GRIA4: variants seen among roughly 807,000 people sequenced by gnomAD.
GRIA4 encodes glutamate ionotropic receptor AMPA type subunit 4.
In GRIA4, 34 loss-of-function variants were observed where a neutral mutation model predicts 104.0. That is an observed-to-expected ratio of 0.33 (90% CI 0.25 to 0.44). The LOEUF is 0.44. Among genes scored for constraint, GRIA4 ranks in the 20% least tolerant of loss-of-function variants. The pLI is 1.00. For synonymous variants in GRIA4, 386 were observed against 381.9 expected (o/e 1.01, Z -0.13); for missense variants, 750 against 1,096.5 (o/e 0.68, Z 4.46).
At chr11:105,763,838 C>T (rs777821968) in intron 4 of GRIA4, among the ~76,000 whole-genome samples, 1 of 152,164 alleles carries the variant, frequency 6.6e-6, no homozygotes, top group Non-Finnish European at 1.5e-5. Flanking sequence ...GGATTCCATG[C>T]CATGGGTATT....
chr11:105,825,092 G>A (rs1490793722), intron 4 of GRIA4, among the ~76,000 whole-genome samples: 2 of 152,178 alleles, frequency 1.3e-5, no homozygotes, highest in South Asian at 2.1e-4. Flanking sequence ...CTTCCAGTCT[G>A]TAGTTTTCCA....
intron 4 of GRIA4, among the ~76,000 whole-genome samples, chr11:105,831,664 C>T (rs1335525893): frequency 6.6e-6 from 1 of 151,968 alleles, no homozygotes; most frequent in Non-Finnish European, 1.5e-5. Context: ...GGTATTAAAG[C>T]GAGTGCCTCT....
chr11:105,973,810 A>G (rs1217760210), intron 15 of GRIA4, among the ~76,000 whole-genome samples: 1 of 152,174 alleles, frequency 6.6e-6, no homozygotes, highest in Non-Finnish European at 1.5e-5. Context: ...ATGTGAAACC[A>G]TCAGCTCAAC....
In GRIA4 at chr11:105,717,620, G is replaced by A. The variant is rs1450564397; in HGVS notation, c.248-35361G>A. ...AATAAATTTTCCCAACTTTCAAGTC[G>A]TCTTGCAATGACTTACAACAAAGAA... On this transcript the variant is annotated intron_variant, in intron 3 of 16. Coordinates refer to ENST00000282499, the MANE Select transcript of GRIA4 (RefSeq NM_000829.4). 3.3e-5 allele frequency among the ~76,000 whole-genome samples: 5 copies of A among 151,750 alleles called. No homozygotes were observed. The South Asian group carries it at 6.2e-4, about 19-fold the overall frequency.
At chr11:105,843,783 G>C (rs900605680) in intron 4 of GRIA4, among the ~76,000 whole-genome samples, 1 of 152,210 alleles carries the variant, frequency 6.6e-6, no homozygotes, top group Non-Finnish European at 1.5e-5. Flanking sequence ...CCTTTGGCCA[G>C]ATAAGGATGA....
rs189251301 is a variant in GRIA4, at chr11:105,665,327, T to C, written c.247+52893T>C. On this transcript the variant is annotated intron_variant, in intron 3 of 16. Transcript: ENST00000282499. ...CAATTACCTTATGAGAAATATACTT[T>C]TATTCCCATTTTACGTAAAGAAACT... Among the ~76,000 whole-genome samples the C allele has an allele frequency of 2.0e-5, 3 of 152,164 alleles. No individual in the cohort carries two copies. The East Asian group carries it at 5.8e-4, about 29-fold the overall frequency.
chr11:105,979,541 C>G (rs778249745), intron 16 of GRIA4, 34 bp from the exon 17 acceptor site: 3 of 1,597,122 alleles, frequency 1.9e-6, no homozygotes, highest in Admixed American at 1.7e-5. Flanking sequence ...GGTAACACTC[C>G]GCGTTCTTTC....
chr11:105,683,423 A>C (rs1302180389), intron 3 of GRIA4, among the ~76,000 whole-genome samples: 2 of 152,096 alleles, frequency 1.3e-5, no homozygotes, highest in East Asian at 3.9e-4. Flanking sequence ...AAATTTAATT[A>C]CAATTAGAGC....
intron 3 of GRIA4, among the ~76,000 whole-genome samples, chr11:105,635,463 T>C (rs1162831384): frequency 1.3e-5 from 2 of 152,210 alleles, no homozygotes; most frequent in African/African-American, 4.8e-5. Context: ...TTGGTTTTAC[T>C]TGAGGAGAAG....
At chr11:105,780,755 C>T (rs1398812449) in intron 4 of GRIA4, among the ~76,000 whole-genome samples, 3 of 152,066 alleles carry the variant, frequency 2.0e-5, no homozygotes, top group East Asian at 1.9e-4. Flanking sequence ...ATAATCGTAA[C>T]CATATCATAG....
intron 14 of GRIA4, among the ~76,000 whole-genome samples, chr11:105,963,811 A>G (rs1320675773): frequency 2.0e-5 from 3 of 151,990 alleles, no homozygotes; most frequent in South Asian, 2.1e-4. Context: ...TTAGTTTTCT[A>G]TTGTGCTGTG....
chr11:105,779,744 G>T (rs1423051245), intron 4 of GRIA4, among the ~76,000 whole-genome samples: 1 of 152,080 alleles, frequency 6.6e-6, no homozygotes, highest in African/African-American at 2.4e-5. Context: ...GAGGCATCAC[G>T]CTACCTGACT....
intron 4 of GRIA4, among the ~76,000 whole-genome samples, chr11:105,779,448 C>T (rs1349544599): frequency 6.6e-6 from 1 of 152,034 alleles, no homozygotes; most frequent in Non-Finnish European, 1.5e-5. Context: ...ACTTGATATT[C>T]CCCTTCCTGT....
intron 4 of GRIA4, among the ~76,000 whole-genome samples, chr11:105,782,064 T>G (rs1038763659): frequency 1.3e-5 from 2 of 152,174 alleles, no homozygotes; most frequent in Non-Finnish European, 2.9e-5. Context: ...ATTTGAGACC[T>G]GTACAATCAG....
At chr11:105,933,072 T>G (rs1242760250) in intron 13 of GRIA4, among the ~76,000 whole-genome samples, 1 of 148,988 alleles carries the variant, frequency 6.7e-6, no homozygotes, top group Non-Finnish European at 1.5e-5. Context: ...GATCCCATCT[T>G]TAAAAAAATT....
chr11:105,852,416 TTAATCTTC>T (rs1944844903), intron 4 of GRIA4, among the ~76,000 whole-genome samples: 1 of 152,164 alleles, frequency 6.6e-6, no homozygotes, highest in Non-Finnish European at 1.5e-5. Context: ...AAATCCTACA[TTAATCTTC>T]TTCATTACAT....
intron 6 of GRIA4, among the ~76,000 whole-genome samples, chr11:105,891,250 G>A (rs555558317): frequency 2.0e-5 from 3 of 152,190 alleles, no homozygotes; most frequent in African/African-American, 4.8e-5. Flanking sequence ...TTCATGACCT[G>A]ATTCCCCATG....
intron 14 of GRIA4, among the ~76,000 whole-genome samples, chr11:105,938,017 C>T (rs80275948): frequency 0.038 from 5,809 of 152,236 alleles, 342 homozygotes; most frequent in African/African-American, 0.13. Flanking sequence ...TACCACATCT[C>T]TCATTGGACT....
At chr11:105,840,075 AT>A (rs1944339757) in intron 4 of GRIA4, among the ~76,000 whole-genome samples, 1 of 152,206 alleles carries the variant, frequency 6.6e-6, no homozygotes, top group South Asian at 2.1e-4. Context: ...ATATTGTCTT[AT>A]AAGTTTATAC....
Sources: gnomAD v4.1 joint callset for allele counts (sites outside exome capture counted in the v4.1 genomes callset) on GRCh38, gnomAD v4.1.1 for gene constraint, MANE v1.5 for transcripts, NCBI Gene and HGNC (gene_info 2026-07-23, HGNC 2026-07-21) for gene names.